The following KIF27 variants were observed in gnomAD, a reference collection of about 807,000 sequenced individuals.
KIF27 encodes kinesin family member 27.
Under a neutral mutation model 141.8 loss-of-function variants are expected in KIF27, and 84 were observed. The ratio of observed to expected loss-of-function variants is 0.59; its 90% CI spans 0.50 to 0.71. The LOEUF is 0.71. Among genes scored for constraint, KIF27 ranks in the 30% least tolerant of loss-of-function variants. The pLI, the probability that KIF27 is intolerant of heterozygous loss-of-function variation, is 0.00. For synonymous variants in KIF27, 471 were observed against 569.5 expected, an observed-to-expected ratio of 0.83 and a Z score of 2.46; for missense variants, 1,306 against 1,628.4, an observed-to-expected ratio of 0.80 and a Z score of 3.41.
Position 83,903,763 on chromosome 9 carries a change from G to A in KIF27, c.755C>T (p.Thr252Ile). 3 of 1,614,148 alleles carry A rather than the reference G, an allele frequency of 1.9e-6. No homozygotes were observed. The highest frequency in any genetic ancestry group is 2.5e-6 in the Non-Finnish European group (3 of 1,180,032). Residue 252 changes from threonine to isoleucine, a missense_variant, in exon 4 of 18, where the codon ACC (threonine) becomes ATC (isoleucine). Transcript: ENST00000297814. ...CCGTTCACCAGTATTCCCCGTTTTGGTTACTCTTTCTGATCCTGCCAAATC... is the reference window on the plus strand; with the variant it reads ...CCGTTCACCAGTATTCCCCGTTTTGATTACTCTTTCTGATCCTGCCAAATC... ...FVDLAGSERV[T>I]KTGNTGERFK...
At chr9:83,878,349 A>C (rs945077359) in intron 11 of KIF27, among the ~76,000 whole-genome samples, 21 of 152,020 alleles carry the variant, frequency 1.4e-4, no homozygotes, top group African/African-American at 4.8e-4. Flanking sequence ...GTTTCTCAGA[A>C]AGCTAAGCAC....
chr9:83,910,390 T>C (rs1002296330), intron 2 of KIF27, among the ~76,000 whole-genome samples: 2 of 152,234 alleles, frequency 1.3e-5, no homozygotes, highest in African/African-American at 4.8e-5. Context: ...GATCATTTAT[T>C]ATGGTCTGGG....
chr9:83,870,437 G>T, intron 12 of KIF27, 82 bp downstream of exon 12: 1 of 1,564,726 alleles, frequency 6.4e-7, no homozygotes, highest in South Asian at 1.2e-5. Context: ...AAAGTGCTAG[G>T]ATTACAGGTG....
intron 10 of KIF27, among the ~76,000 whole-genome samples, chr9:83,883,306 T>G (rs777482068): frequency 1.2e-4 from 18 of 152,192 alleles, no homozygotes; most frequent in Admixed American, 5.9e-4. Flanking sequence ...ATGGAATATT[T>G]CTCATAGAAT....
At chr9:83,904,332 C>T (rs1422349885) in intron 3 of KIF27, among the ~76,000 whole-genome samples, 2 of 151,990 alleles carry the variant, frequency 1.3e-5, no homozygotes, top group Non-Finnish European at 2.9e-5. Context: ...AAGAAAAACC[C>T]TTCATTCCAG....
chr9:83,908,310 T>C, intron 3 of KIF27, 142 bp downstream of exon 3: 1 of 523,574 alleles, frequency 1.9e-6, no homozygotes. Context: ...AATAAAGCTG[T>C]TCAATTTAAA....
rs577155251 is a variant in KIF27 at position 83,889,151 on chromosome 9, G to A, written c.1912C>T (p.Leu638Phe). ...CTGTTATCAGAAAATTGGCAGTGGA[G>A]GACCTTATCTTGTTCTTCTATGTGA... ...LGHIEEQDKVLHCQFSDNSDD... is the reference protein window; with the variant it reads ...LGHIEEQDKVFHCQFSDNSDD... Residue 638 changes from leucine to phenylalanine, a missense_variant, in exon 7 of 18, where the codon CTC becomes TTC. By Grantham distance (22) the Leu-to-Phe change is conservative. Coordinates refer to ENST00000297814, the MANE Select transcript of KIF27 (RefSeq NM_017576.4). The A allele has an allele frequency of 2.5e-6, 4 of 1,613,816 alleles. No individual in the cohort carries two copies. Among genetic ancestry groups the A allele is most frequent in the Non-Finnish European group, 3.4e-6 (4 of 1,179,848 alleles).
chr9:83,873,474 C>G (rs1026331601), intron 11 of KIF27, among the ~76,000 whole-genome samples: 1 of 152,080 alleles, frequency 6.6e-6, no homozygotes, highest in African/African-American at 2.4e-5. Flanking sequence ...TAGTTTCCAC[C>G]ATATTTCCAG....
chr9:83,883,036 A>T (rs1951808148), intron 10 of KIF27, among the ~76,000 whole-genome samples: 1 of 152,062 alleles, frequency 6.6e-6, no homozygotes, highest in African/African-American at 2.4e-5. Context: ...TATTGTAAAC[A>T]TCTATTTTGT....
In KIF27 at chr9:83,883,896, T is replaced by C. The variant is rs774266514; in HGVS notation, c.2362A>G (p.Lys788Glu). The C allele has an allele frequency of 3.7e-6, 6 of 1,613,586 alleles. No homozygotes were observed. Among genetic ancestry groups the C allele is most frequent in the East Asian group, 2.2e-5 (1 of 44,868 alleles). Residue 788 changes from lysine to glutamate, a missense_variant, in exon 10 of 18, where the codon AAA becomes GAA. Lys to Glu is a moderately conservative substitution (Grantham distance 56). Around this residue, in one of 4 missense-constraint regions of KIF27, gnomAD observed 596 missense variants for 751.6 expected, o/e 0.79. Transcript: ENST00000297814. Reference sequence around the variant, plus strand: ...TTCATTGCAACATCAGAAAGATCTTTGTTTTCCAGCTCCTGTAGCTGCTTT... The same window carrying C: ...TTCATTGCAACATCAGAAAGATCTTCGTTTTCCAGCTCCTGTAGCTGCTTT... ...TQKQLQELEN[K>E]DLSDVAMKVK...
At chr9:83,918,896 T>C (rs1955971143) in intron 1 of KIF27, among the ~76,000 whole-genome samples, 1 of 151,976 alleles carries the variant, frequency 6.6e-6, no homozygotes, top group Admixed American at 6.6e-5. Context: ...AACAACATGG[T>C]GAAACCCCGT....
chr9:83,862,928 T>C (rs1950060133), intron 13 of KIF27, among the ~76,000 whole-genome samples: 1 of 152,224 alleles, frequency 6.6e-6, no homozygotes, highest in African/African-American at 2.4e-5. Flanking sequence ...TTTTATTCTC[T>C]TTGAAGCAAT....
intron 4 of KIF27, 61 bp downstream of exon 4, chr9:83,902,999 A>G (rs1436626002): frequency 9.6e-7 from 1 of 1,037,052 alleles, no homozygotes; most frequent in Non-Finnish European, 1.4e-6. Context: ...CCCCCAAAAT[A>G]TGTACATCTA....
intron 16 of KIF27, among the ~76,000 whole-genome samples, chr9:83,848,247 CAG>C (rs1432956113): frequency 1.5e-4 from 13 of 85,972 alleles, no homozygotes; most frequent in East Asian, 6.2e-4. Context: ...TATGATATAT[CAG>C]ATATGATATA....
chr9:83,900,507 T>G (rs1037990056), intron 4 of KIF27, among the ~76,000 whole-genome samples: 7 of 137,316 alleles, frequency 5.1e-5, no homozygotes, highest in African/African-American at 1.9e-4. Context: ...ACAGCCACTA[T>G]GAACAACAGT....
chr9:83,867,740 C>T lies in KIF27; in HGVS notation c.2878G>A (p.Glu960Lys), dbSNP rs898974916. 3 of 1,612,856 alleles carry T rather than the reference C, an allele frequency of 1.9e-6. No homozygotes were observed. The African/African-American group carries it at 4.0e-5, about 22-fold the overall frequency. ...TGACTCTTCTCCTGTAACAGAGCCT[C>T]CTTCTTAGAAACTATGGCCTCCCGT... ...KKREAIVSKK[E>K]ALLQEKSHLE... The change falls in exon 13 of 18, where the codon GAG (glutamate) becomes AAG (lysine). Residue 960 changes from glutamate (E) to lysine (K), a missense_variant. This residue lies in a region of KIF27 where 596 missense variants were observed against 751.6 expected (regional missense o/e 0.79). Coordinates refer to ENST00000297814, the MANE Select transcript of KIF27 (RefSeq NM_017576.4).
intron 9 of KIF27, 79 bp downstream of exon 9, chr9:83,886,961 CT>C: frequency 7.0e-7 from 1 of 1,430,752 alleles, no homozygotes; most frequent in Admixed American, 2.9e-5. Flanking sequence ...GCTTCAAAAA[CT>C]AAAGTAACTG....
At chr9:83,866,577 T>C (rs1298392049) in intron 13 of KIF27, among the ~76,000 whole-genome samples, 2 of 152,188 alleles carry the variant, frequency 1.3e-5, no homozygotes, top group African/African-American at 4.8e-5. Context: ...AGTTCACCAA[T>C]TTAAAGTATA....
chr9:83,856,558 T>G (rs141961027), intron 14 of KIF27, among the ~76,000 whole-genome samples: 1,647 of 151,900 alleles, frequency 0.011, 26 homozygotes, highest in African/African-American at 0.037. Context: ...TTGGCCAACA[T>G]GGTGAAACCC....
Sources: allele counts gnomAD v4.1 joint callset (sites outside exome capture counted in the v4.1 genomes callset), GRCh38; gene constraint gnomAD v4.1.1; regional missense constraint gnomAD v4.1.1; transcripts MANE v1.5; gene names NCBI Gene and HGNC (gene_info 2026-07-23, HGNC 2026-07-21).